WNT3: variants seen among roughly 807,000 people sequenced by gnomAD.
WNT3 encodes Wnt family member 3.
In WNT3, 7 loss-of-function variants were observed where a neutral mutation model predicts 34.2. The ratio of observed to expected loss-of-function variants is 0.20; its 90% CI spans 0.12 to 0.38. WNT3 has a LOEUF of 0.38. Ranked by LOEUF, WNT3 falls within the 10% of genes least tolerant of loss-of-function variation. The pLI is 1.00. For missense variants in WNT3, 267 were observed against 499.8 expected, an observed-to-expected ratio of 0.53 and a Z score of 4.44; for synonymous variants, 212 against 211.5, an observed-to-expected ratio of 1.00 and a Z score of -0.02.
chr17:46,781,789 C>T (rs143812736), intron 1 of WNT3, among the ~76,000 whole-genome samples: 180 of 152,276 alleles, frequency 1.2e-3, no homozygotes, highest in African/African-American at 4.1e-3. Flanking sequence ...GCATCTAGAG[C>T]CCCTGTGCAG....
rs757072072 is a variant in WNT3, at chr17:46,763,263, C to T, written c.*1367G>A. On this transcript the variant is annotated 3_prime_UTR_variant, in exon 5 of 5. Coordinates refer to ENST00000225512, the MANE Select transcript of WNT3 (RefSeq NM_030753.5). ...AAGACAGTTGTTGAACCAATTCATA[C>T]TGTGAAATCCATGTGCCTCCCTTTT... is the stretch of plus-strand genomic sequence containing the variant. 1 of 152,260 alleles carries T rather than the reference C, an allele frequency of 6.6e-6. No homozygotes were observed. Among genetic ancestry groups the T allele is most frequent in the Non-Finnish European group, 1.5e-5 (1 of 68,068 alleles). The allele number at this position is 152,260 out of a possible 1,614,324, so 9.4% of individuals were successfully genotyped here.
At chr17:46,796,306 A>C (rs532706182) in intron 1 of WNT3, among the ~76,000 whole-genome samples, 1 of 152,356 alleles carries the variant, frequency 6.6e-6, no homozygotes, top group Non-Finnish European at 1.5e-5. Context: ...CCATTGTCAT[A>C]GTGCTAATAA....
chr17:46,785,111 C>A (rs1251676073), intron 1 of WNT3, among the ~76,000 whole-genome samples: 2 of 152,170 alleles, frequency 1.3e-5, no homozygotes, highest in East Asian at 1.9e-4. Flanking sequence ...GCATCCTAAG[C>A]CTTCAGTGCA....
chr17:46,770,844 G>T (rs1394006075), intron 2 of WNT3, among the ~76,000 whole-genome samples: 2 of 152,222 alleles, frequency 1.3e-5, no homozygotes, highest in African/African-American at 4.8e-5. Flanking sequence ...CATTCACATG[G>T]AAAGTTTTAC....
intron 4 of WNT3, among the ~76,000 whole-genome samples, chr17:46,767,531 C>T: frequency 6.6e-6 from 1 of 152,184 alleles, no homozygotes; most frequent in East Asian, 1.9e-4. Flanking sequence ...AAACTGCCCC[C>T]TGCCCTTCAC....
intron 1 of WNT3, among the ~76,000 whole-genome samples, chr17:46,775,185 C>T (rs1164635591): frequency 1.3e-5 from 2 of 152,232 alleles, no homozygotes; most frequent in African/African-American, 4.8e-5. Flanking sequence ...ACTTTATATA[C>T]AACATTTCTG....
chr17:46,771,766 C>T (rs1203156230), intron 2 of WNT3, among the ~76,000 whole-genome samples: 4 of 580 alleles, frequency 6.9e-3, no homozygotes, highest in Non-Finnish European at 0.016. Flanking sequence ...CGCCCCCGCG[C>T]CGCGCCGCGC....
intron 1 of WNT3, among the ~76,000 whole-genome samples, chr17:46,779,120 C>T (rs988846661): frequency 6.7e-6 from 1 of 148,590 alleles, no homozygotes; most frequent in Non-Finnish European, 1.5e-5. Context: ...CCCACTCGGC[C>T]TTCCAAAGGG....
At chr17:46,797,828 C>T (rs1236025315) in intron 1 of WNT3, among the ~76,000 whole-genome samples, 1 of 152,176 alleles carries the variant, frequency 6.6e-6, no homozygotes, top group Admixed American at 6.5e-5. Context: ...GAGAGAATAG[C>T]TCAACATAGA....
At chr17:46,789,682 G>A (rs1346208325) in intron 1 of WNT3, among the ~76,000 whole-genome samples, 1 of 152,198 alleles carries the variant, frequency 6.6e-6, no homozygotes, top group Admixed American at 6.5e-5. Flanking sequence ...TGAACCCAGG[G>A]CCTTGCCAGC....
At chr17:46,796,486 C>A (rs1398708691) in intron 1 of WNT3, among the ~76,000 whole-genome samples, 1 of 152,186 alleles carries the variant, frequency 6.6e-6, no homozygotes, top group Non-Finnish European at 1.5e-5. Context: ...TGGTCTGGCT[C>A]CAGAGGCTGA....
At chr17:46,810,194 G>C (rs531271357) in intron 1 of WNT3, among the ~76,000 whole-genome samples, 1 of 151,868 alleles carries the variant, frequency 6.6e-6, no homozygotes, top group Non-Finnish European at 1.5e-5. Flanking sequence ...TTTTAGTAGA[G>C]ACAGGGTTTC....
intron 1 of WNT3, among the ~76,000 whole-genome samples, chr17:46,778,121 G>A (rs1035563189): frequency 6.6e-6 from 1 of 152,212 alleles, no homozygotes; most frequent in African/African-American, 2.4e-5. Flanking sequence ...TATGGTTACG[G>A]TGTGTGTGGA....
chr17:46,770,096 C>A, intron 2 of WNT3, 48 bp from the exon 3 acceptor site: 1 of 1,496,662 alleles, frequency 6.7e-7, no homozygotes, highest in Non-Finnish European at 8.9e-7. Context: ...GGCCTGGGAG[C>A]GCCTGCCCTG....
At chr17:46,816,123 A>ACACGCACG (rs1555689273) in intron 1 of WNT3, among the ~76,000 whole-genome samples, 3 of 148,070 alleles carry the variant, frequency 2.0e-5, no homozygotes, top group Non-Finnish European at 3.0e-5. Flanking sequence ...ACACACACAC[A>ACACGCACG]CACACACTCA....
chr17:46,781,145 T>A (rs548221544), intron 1 of WNT3, among the ~76,000 whole-genome samples: 1 of 151,674 alleles, frequency 6.6e-6, no homozygotes, highest in African/African-American at 2.4e-5. Flanking sequence ...GGAGTATTGC[T>A]TGAACCTGAG....
At chr17:46,785,494 C>T (rs896499199) in intron 1 of WNT3, among the ~76,000 whole-genome samples, 3 of 152,248 alleles carry the variant, frequency 2.0e-5, no homozygotes, top group Admixed American at 6.5e-5. Context: ...CAGGAGCCCC[C>T]GAGGACAGGC....
chr17:46,809,475 C>T (rs927229206), intron 1 of WNT3, among the ~76,000 whole-genome samples: 1 of 152,210 alleles, frequency 6.6e-6, no homozygotes, highest in African/African-American at 2.4e-5. Context: ...CCCTCCCCAA[C>T]ACACACGTAC....
At chr17:46,784,518 T>TG (rs2059486181) in intron 1 of WNT3, among the ~76,000 whole-genome samples, 1 of 150,602 alleles carries the variant, frequency 6.6e-6, no homozygotes, top group Admixed American at 6.6e-5. Context: ...TGCCAAGGGG[T>TG]GGAGGCACCA....
Sources: allele counts gnomAD v4.1 joint callset (sites outside exome capture counted in the v4.1 genomes callset), GRCh38; gene constraint gnomAD v4.1.1; transcripts MANE v1.5; gene names NCBI Gene and HGNC (gene_info 2026-07-23, HGNC 2026-07-21).